The following PPFIA2 variants were observed in gnomAD, a reference collection of about 807,000 sequenced individuals.
PPFIA2 encodes the protein liprin-alpha-2.
In PPFIA2, 46 loss-of-function variants were observed where a neutral mutation model predicts 175.5. The ratio of observed to expected loss-of-function variants is 0.26; its 90% confidence interval spans 0.21 to 0.34. The LOEUF (loss-of-function observed/expected upper bound fraction) is 0.34. Among genes scored for constraint, PPFIA2 ranks in the 10% least tolerant of loss-of-function variants. The pLI is 1.00. For missense variants in PPFIA2, 1,179 were observed against 1,506.1 expected (o/e 0.78, Z 3.60); for synonymous variants, 568 against 511.4 (o/e 1.11, Z -1.49).
chr12:81,472,400 A>T (rs756097723), intron 4 of PPFIA2: 1 of 152,138 alleles, frequency 6.6e-6, no homozygotes, highest in Non-Finnish European at 1.5e-5. Flanking sequence ...TTCAGTTTGG[A>T]TGGAATGGAG....
chr12:81,609,001 C>T (rs1478334551), intron 4 of PPFIA2, among the ~76,000 whole-genome samples: 1 of 151,914 alleles, frequency 6.6e-6, no homozygotes, highest in Non-Finnish European at 1.5e-5. Context: ...TACCTATTTT[C>T]ATTAATTTCA....
At chr12:81,629,700 T>C (rs569170055) in intron 4 of PPFIA2, among the ~76,000 whole-genome samples, 168 of 152,224 alleles carry the variant, frequency 1.1e-3, no homozygotes, top group Admixed American at 3.1e-3. Context: ...CACAGAACAC[T>C]AAATGTCACT....
At chr12:81,753,227 G>A (rs2084107633) in intron 3 of PPFIA2, among the ~76,000 whole-genome samples, 1 of 152,106 alleles carries the variant, frequency 6.6e-6, no homozygotes, top group East Asian at 1.9e-4. Context: ...GAGCCACTGC[G>A]GCCAGCCTAT....
chr12:81,369,901 T>C (rs1389483861), intron 11 of PPFIA2, among the ~76,000 whole-genome samples: 1 of 151,602 alleles, frequency 6.6e-6, no homozygotes, highest in Non-Finnish European at 1.5e-5. Flanking sequence ...TGGTTTTAAA[T>C]AAAAAACAAT....
rs1391412003 is a variant in PPFIA2, at chr12:81,358,214, A to G, written c.1641T>C (p.Thr547=). Residue 547 remains threonine (T), a synonymous_variant, in exon 16 of 33, where the codon ACT becomes ACC. Coordinates refer to ENST00000549396, the MANE Select transcript of PPFIA2 (RefSeq NM_003625.5). ...GCAACTCAGCTGAGGTGTCTAGATG[A>G]GTTCTGGAAAAAAGGAAAAATATAA... The part of the protein sequence containing the change: ...GSLIEPTIPR[T]HLDTSAELRY... 1.5e-5 allele frequency: 23 copies of G among 1,573,422 alleles called. No homozygotes were observed. The highest frequency in any genetic ancestry group is 2.0e-5 in the Non-Finnish European group (23 of 1,159,838).
intron 4 of PPFIA2, among the ~76,000 whole-genome samples, chr12:81,585,884 ATAG>A (rs2075240601): frequency 6.6e-6 from 1 of 151,934 alleles, no homozygotes; most frequent in South Asian, 2.1e-4. Flanking sequence ...GACTTGCAGC[ATAG>A]TAGGTTTGTT....
intron 4 of PPFIA2, among the ~76,000 whole-genome samples, chr12:81,460,062 G>A (rs2054257972): frequency 6.6e-6 from 1 of 151,980 alleles, no homozygotes; most frequent in Non-Finnish European, 1.5e-5. Context: ...TACATTTAGA[G>A]GTACCCTTTT....
intron 4 of PPFIA2, among the ~76,000 whole-genome samples, chr12:81,467,613 T>C (rs2055920681): frequency 2.0e-5 from 3 of 152,230 alleles, no homozygotes; most frequent in African/African-American, 7.2e-5. Flanking sequence ...CACCATGTCA[T>C]GTCAGTGTGT....
intron 5 of PPFIA2, among the ~76,000 whole-genome samples, chr12:81,455,620 G>A (rs185965125): frequency 2.4e-4 from 36 of 152,086 alleles, no homozygotes; most frequent in African/African-American, 8.7e-4. Context: ...GGTATTTCTG[G>A]TTCTCATGGG....
At chr12:81,579,737 C>A (rs567689009) in intron 4 of PPFIA2, among the ~76,000 whole-genome samples, 2 of 151,864 alleles carry the variant, frequency 1.3e-5, no homozygotes, top group Non-Finnish European at 2.9e-5. Flanking sequence ...AATATTTAAC[C>A]TTCCATTCAC....
intron 24 of PPFIA2, chr12:81,292,506 T>C (rs1243475436): frequency 6.6e-6 from 1 of 152,116 alleles, no homozygotes; most frequent in African/African-American, 2.4e-5. Flanking sequence ...TATGATGAAC[T>C]ACTTCCACAT....
chr12:81,448,496 C>T (rs764726954), intron 5 of PPFIA2, among the ~76,000 whole-genome samples: 1 of 152,176 alleles, frequency 6.6e-6, no homozygotes, highest in Non-Finnish European at 1.5e-5. Flanking sequence ...GTCATTTATA[C>T]CTCTGCTCAA....
chr12:81,480,459 A>C (rs1311670552), intron 4 of PPFIA2, among the ~76,000 whole-genome samples: 3 of 152,106 alleles, frequency 2.0e-5, no homozygotes, highest in African/African-American at 7.2e-5. Context: ...CTTGCTGGTA[A>C]GGAGCTGTGA....
At chr12:81,645,508 G>A (rs1472371084) in intron 4 of PPFIA2, among the ~76,000 whole-genome samples, 1 of 152,222 alleles carries the variant, frequency 6.6e-6, no homozygotes, top group Admixed American at 6.5e-5. Context: ...TACTTCGGAT[G>A]TAAAAAGTGT....
At chr12:81,635,956 T>C (rs1318130552) in intron 4 of PPFIA2, among the ~76,000 whole-genome samples, 2 of 152,142 alleles carry the variant, frequency 1.3e-5, no homozygotes, top group African/African-American at 2.4e-5. Context: ...GTGAAATGTT[T>C]GAATTTTAGA....
intron 3 of PPFIA2, among the ~76,000 whole-genome samples, chr12:81,704,539 G>T (rs1391398857): frequency 6.6e-6 from 1 of 151,908 alleles, no homozygotes; most frequent in East Asian, 1.9e-4. Flanking sequence ...TGTCTTTGAT[G>T]GGAGTGACCT....
At chr12:81,406,747 T>C (rs2043006444) in intron 7 of PPFIA2, among the ~76,000 whole-genome samples, 1 of 152,188 alleles carries the variant, frequency 6.6e-6, no homozygotes. Flanking sequence ...GCATATTTTA[T>C]TGTATTATCA....
intron 4 of PPFIA2, among the ~76,000 whole-genome samples, chr12:81,470,149 A>G (rs1457065136): frequency 1.3e-5 from 2 of 152,218 alleles, no homozygotes; most frequent in Non-Finnish European, 2.9e-5. Flanking sequence ...AGTGAAAGAC[A>G]ATCCACAGAA....
chr12:81,695,797 T>C (rs1354524434), intron 3 of PPFIA2, among the ~76,000 whole-genome samples: 1 of 152,208 alleles, frequency 6.6e-6, no homozygotes, highest in Non-Finnish European at 1.5e-5. Context: ...GCAATTGTTT[T>C]TGGCTTCTTC....
Sources: gnomAD v4.1 joint callset for allele counts (sites outside exome capture counted in the v4.1 genomes callset) on GRCh38, gnomAD v4.1.1 for gene constraint, MANE v1.5 for transcripts, NCBI Gene and HGNC (gene_info 2026-07-23, HGNC 2026-07-21) for gene names.